Variants in MEMO1 observed in about 807,000 individuals in gnomAD.
MEMO1 encodes mediator of cell motility 1.
A neutral mutation model predicts 45.2 loss-of-function variants in MEMO1; 6 were observed. The observed-to-expected ratio is 0.13, with a 90% CI of 0.07 to 0.26. The LOEUF (loss-of-function observed/expected upper bound fraction) is 0.26, where lower values mean the gene tolerates loss of function less well. Ranked by LOEUF, MEMO1 falls within the 10% of genes least tolerant of loss-of-function variation. MEMO1 has a pLI of 1.00. For synonymous variants in MEMO1, 78 were observed against 124.3 expected (o/e 0.63, Z 2.48); for missense variants, 184 against 370.5 (o/e 0.50, Z 4.13).
At chr2:31,966,464 C>T (rs1668622471) in intron 2 of MEMO1, among the ~76,000 whole-genome samples, 1 of 152,180 alleles carries the variant, frequency 6.6e-6, no homozygotes, top group Non-Finnish European at 1.5e-5. Context: ...GGCGCGGTGG[C>T]TCACGCCTAT....
chr2:31,878,854 A>AG (rs1674950673), intron 8 of MEMO1, among the ~76,000 whole-genome samples: 1 of 152,232 alleles, frequency 6.6e-6, no homozygotes, highest in South Asian at 2.1e-4. Flanking sequence ...TATATTTCAC[A>AG]TATATGCAGC....
chr2:31,992,160 A>G (rs1385435293), intron 2 of MEMO1, among the ~76,000 whole-genome samples: 1 of 152,262 alleles, frequency 6.6e-6, no homozygotes, highest in Non-Finnish European at 1.5e-5. Flanking sequence ...GTCGCTCTCC[A>G]TAATTTCCAA....
intron 3 of MEMO1, among the ~76,000 whole-genome samples, chr2:31,942,771 G>A (rs1016962616): frequency 6.6e-6 from 1 of 151,936 alleles, no homozygotes; most frequent in Non-Finnish European, 1.5e-5. Context: ...ATCCTCCCAC[G>A]TTGGCCTCTC....
chr2:31,917,224 A>G (rs989447814), intron 6 of MEMO1, among the ~76,000 whole-genome samples: 4 of 152,182 alleles, frequency 2.6e-5, no homozygotes, highest in Non-Finnish European at 5.9e-5. Context: ...AAGTCCATAT[A>G]TAGGAAATGG....
At chr2:31,899,676 T>C (rs1464194042) in intron 6 of MEMO1, among the ~76,000 whole-genome samples, 3 of 152,124 alleles carry the variant, frequency 2.0e-5, no homozygotes, top group Non-Finnish European at 4.4e-5. Flanking sequence ...AAGCCAAAAT[T>C]GACAAATGAG....
intron 8 of MEMO1, among the ~76,000 whole-genome samples, chr2:31,877,685 C>A (rs560309084): frequency 2.0e-5 from 3 of 152,104 alleles, no homozygotes; most frequent in Non-Finnish European, 4.4e-5. Context: ...CTAATACATA[C>A]GTGTGTAAGT....
intron 2 of MEMO1, among the ~76,000 whole-genome samples, chr2:31,971,516 C>A (rs1490914125): frequency 6.6e-6 from 1 of 152,012 alleles, no homozygotes. Context: ...AGGCATGAGT[C>A]CCCGTGCCCA....
At chr2:31,966,348 G>A (rs1484809320) in intron 2 of MEMO1, among the ~76,000 whole-genome samples, 4 of 152,122 alleles carry the variant, frequency 2.6e-5, no homozygotes, top group African/African-American at 7.2e-5. Flanking sequence ...CTGGTTATTC[G>A]GTGATCTGTC....
rs574272605 is a variant in MEMO1, at chr2:31,997,150, T to C, written c.61+13037A>G. On this transcript the variant is annotated intron_variant, in intron 2 of 9. Coordinates refer to ENST00000404530, the MANE Select transcript of MEMO1 (RefSeq NM_001301833.4). Reference sequence around the variant, plus strand: ...ATGAAAAAAATACTTGAGGTAATAATAAAGACAAAAAACTTCCAAATTTTC... The same window carrying C: ...ATGAAAAAAATACTTGAGGTAATAACAAAGACAAAAAACTTCCAAATTTTC... 2.8e-4 allele frequency among the ~76,000 whole-genome samples: 42 copies of C among 152,100 alleles called. 1 individual carries two copies. The South Asian group carries it at 5.6e-3, about 20-fold the overall frequency.
chr2:31,878,753 G>A (rs547157210), intron 8 of MEMO1, among the ~76,000 whole-genome samples: 2 of 151,750 alleles, frequency 1.3e-5, no homozygotes, highest in Non-Finnish European at 2.9e-5. Context: ...TAGTACTGAG[G>A]TATCTTTCAA....
At chr2:32,002,695 T>A (rs942780442) in intron 2 of MEMO1, among the ~76,000 whole-genome samples, 1 of 152,192 alleles carries the variant, frequency 6.6e-6, no homozygotes, top group African/African-American at 2.4e-5. Flanking sequence ...GATTAGGGAT[T>A]ATATACATAC....
At chr2:31,942,509 C>A (rs1042712717) in intron 3 of MEMO1, among the ~76,000 whole-genome samples, 1 of 151,386 alleles carries the variant, frequency 6.6e-6, no homozygotes, top group East Asian at 1.9e-4. Context: ...GTAGCCAATT[C>A]TTTTTTTTTC....
intron 2 of MEMO1, among the ~76,000 whole-genome samples, chr2:31,948,451 G>T (rs1452307733): frequency 6.6e-6 from 1 of 152,122 alleles, no homozygotes; most frequent in Non-Finnish European, 1.5e-5. Flanking sequence ...GTAGGCCGTT[G>T]GCACCCAGTA....
chr2:31,968,953 A>T (rs1372080282), intron 2 of MEMO1, among the ~76,000 whole-genome samples: 1 of 152,068 alleles, frequency 6.6e-6, no homozygotes, highest in African/African-American at 2.4e-5. Flanking sequence ...AGTAAAAGTT[A>T]AAAAAATGGT....
rs553364648 is a variant in MEMO1 at position 32,009,413 on chromosome 2, A to G, written c.61+774T>C. 2.2e-5 allele frequency among the ~76,000 whole-genome samples: 3 copies of G among 135,194 alleles called. No homozygotes were observed. The Admixed American group carries it at 2.3e-4, about 10-fold the overall frequency. 88.7% of individuals were successfully genotyped at this position (135,194 alleles called of 152,430 possible). A position where few individuals can be genotyped will look rare whatever the true frequency, so the allele number is the denominator to read the frequency against. On this transcript the variant is annotated intron_variant, in intron 2 of 9. Transcript: ENST00000404530. The stretch of plus-strand genomic sequence containing the variant: ...TTAGCAGTACTTCCACCCCAGCCCC[A>G]ACATACAAAGTGACAAATCCCTGAA...
intron 8 of MEMO1, among the ~76,000 whole-genome samples, chr2:31,875,901 G>A (rs1319295833): frequency 6.6e-6 from 1 of 151,930 alleles, no homozygotes; most frequent in African/African-American, 2.4e-5. Flanking sequence ...TGGCTAGGCT[G>A]GTCTCAAACT....
chr2:32,002,667 T>C (rs1288621477), intron 2 of MEMO1, among the ~76,000 whole-genome samples: 1 of 152,190 alleles, frequency 6.6e-6, no homozygotes, highest in Non-Finnish European at 1.5e-5. Context: ...AATACCTACC[T>C]TGGAGGGTCC....
At chr2:31,964,794 T>A (rs1174622916) in intron 2 of MEMO1, among the ~76,000 whole-genome samples, 1 of 152,110 alleles carries the variant, frequency 6.6e-6, no homozygotes, top group Non-Finnish European at 1.5e-5. Flanking sequence ...GTTTTTACAG[T>A]GATAATAGTA....
intron 2 of MEMO1, among the ~76,000 whole-genome samples, chr2:31,991,295 G>A (rs1038471115): frequency 1.1e-4 from 16 of 152,098 alleles, no homozygotes; most frequent in East Asian, 5.8e-4. Context: ...GGAATGGGCC[G>A]GGCGCGGTGG....
Sources: allele counts gnomAD v4.1 joint callset (sites outside exome capture counted in the v4.1 genomes callset), GRCh38; gene constraint gnomAD v4.1.1; transcripts MANE v1.5; gene names NCBI Gene and HGNC (gene_info 2026-07-23, HGNC 2026-07-21).